The following NRXN1 variants were observed in gnomAD, a reference collection of about 807,000 sequenced individuals.
The protein encoded by NRXN1 is neurexin 1.
Under a neutral mutation model 150.9 loss-of-function variants are expected in NRXN1, and 39 were observed. The observed-to-expected ratio is 0.26, with a 90% CI of 0.20 to 0.34. The LOEUF (loss-of-function observed/expected upper bound fraction) is 0.34, where lower values mean the gene tolerates loss of function less well. Among genes scored for constraint, NRXN1 ranks in the 10% least tolerant of loss-of-function variants. The pLI is 1.00. For missense variants in NRXN1, 1,815 were observed against 1,949.9 expected, an observed-to-expected ratio of 0.93 and a Z score of 1.30; for synonymous variants, 924 against 757.0, an observed-to-expected ratio of 1.22 and a Z score of -3.62.
intron 17 of NRXN1, among the ~76,000 whole-genome samples, chr2:50,352,966 T>C (rs912200370): frequency 3.3e-5 from 5 of 151,880 alleles, no homozygotes; most frequent in African/African-American, 7.3e-5. Flanking sequence ...TAGATATAGA[T>C]TGGTGAATTC....
chr2:50,414,067 G>A (rs995564446), intron 17 of NRXN1, among the ~76,000 whole-genome samples: 1 of 151,484 alleles, frequency 6.6e-6, no homozygotes, highest in African/African-American at 2.4e-5. Context: ...AAGACCGTGT[G>A]CAGGGGAGGT....
intron 5 of NRXN1, among the ~76,000 whole-genome samples, chr2:50,815,465 T>C (rs926504932): frequency 6.6e-6 from 1 of 152,190 alleles, no homozygotes; most frequent in Non-Finnish European, 1.5e-5. Flanking sequence ...ATTTCAAGCA[T>C]TGGGTCATTT....
chr2:50,589,200 G>A (rs896314113), intron 8 of NRXN1: 2 of 152,456 alleles, frequency 1.3e-5, no homozygotes, highest in Non-Finnish European at 2.9e-5. Context: ...GAGAGGAGGA[G>A]TAGGACTGCT....
At chr2:51,014,663 A>G (rs887153374) in intron 2 of NRXN1, among the ~76,000 whole-genome samples, 23 of 152,038 alleles carry the variant, frequency 1.5e-4, no homozygotes, top group Non-Finnish European at 2.9e-5. Context: ...GTCTGGCCTC[A>G]GGATTTACGC....
At chr2:50,886,772 T>C (rs1258806572) in intron 5 of NRXN1, among the ~76,000 whole-genome samples, 1 of 151,352 alleles carries the variant, frequency 6.6e-6, no homozygotes, top group Non-Finnish European at 1.5e-5. Flanking sequence ...AACTGTCCTT[T>C]AAGGATACAG....
intron 2 of NRXN1, among the ~76,000 whole-genome samples, chr2:51,011,707 T>C (rs985125975): frequency 6.6e-6 from 1 of 152,054 alleles, no homozygotes; most frequent in African/African-American, 2.4e-5. Context: ...GAAATGAGTC[T>C]GGATAAGGAG....
chr2:50,691,679 A>G (rs1189174370), intron 5 of NRXN1, among the ~76,000 whole-genome samples: 1 of 152,184 alleles, frequency 6.6e-6, no homozygotes, highest in African/African-American at 2.4e-5. Flanking sequence ...AAAAGGGAGC[A>G]CTGGGCAACC....
intron 15 of NRXN1, among the ~76,000 whole-genome samples, chr2:50,484,325 A>G (rs2104810144): frequency 6.6e-6 from 1 of 152,290 alleles, no homozygotes; most frequent in East Asian, 1.9e-4. Context: ...TATTATTAAT[A>G]CCAATAAGGT....
At chr2:50,235,384 T>A (rs902588382) in intron 18 of NRXN1, among the ~76,000 whole-genome samples, 1 of 152,070 alleles carries the variant, frequency 6.6e-6, no homozygotes, top group South Asian at 2.1e-4. Context: ...TCTTGAGAAC[T>A]ACATTTTAAA....
At chr2:50,518,140 C>G (rs1013658149) in intron 12 of NRXN1, among the ~76,000 whole-genome samples, 1 of 151,908 alleles carries the variant, frequency 6.6e-6, no homozygotes, top group Admixed American at 6.6e-5. Context: ...TTATAATTTA[C>G]TTTTTAAGAA....
chr2:50,015,395 C>G lies in NRXN1; in HGVS notation c.4128+37876G>C, dbSNP rs185924603. Among the ~76,000 whole-genome samples the G allele has an allele frequency of 3.2e-3, 480 of 151,874 alleles. 1 individual carries two copies. Among genetic ancestry groups the G allele is most frequent in the Non-Finnish European group, 5.3e-3 (359 of 67,946 alleles). On this transcript the variant is annotated intron_variant, in intron 21 of 22. Transcript: ENST00000401669. ...ATAGTGAGACCTCCTAAGAGTTCAT[C>G]TCACTCTAGGCACACAGGAGACTGT...
chr2:50,951,702 T>C (rs1691362966), intron 2 of NRXN1, among the ~76,000 whole-genome samples: 2 of 152,036 alleles, frequency 1.3e-5, no homozygotes, highest in Admixed American at 1.3e-4. Context: ...ATGCTTCTTT[T>C]AGGTAAAAGC....
chr2:49,955,234 A>C (rs963135122), intron 21 of NRXN1, among the ~76,000 whole-genome samples: 1 of 152,178 alleles, frequency 6.6e-6, no homozygotes, highest in African/African-American at 2.4e-5. Context: ...TTAAATCTCA[A>C]TATAAAATTG....
At chr2:50,097,549 G>C (rs1313023344) in intron 18 of NRXN1, among the ~76,000 whole-genome samples, 1 of 152,084 alleles carries the variant, frequency 6.6e-6, no homozygotes, top group Non-Finnish European at 1.5e-5. Context: ...CACAGTTGTT[G>C]GACTATGCAA....
chr2:50,725,485 T>A (rs1046420817), intron 5 of NRXN1, among the ~76,000 whole-genome samples: 2 of 152,118 alleles, frequency 1.3e-5, no homozygotes, highest in African/African-American at 4.8e-5. Context: ...TTGTAAAGGG[T>A]TGTCAGAAAC....
chr2:50,169,748 G>C (rs573051135), intron 18 of NRXN1, among the ~76,000 whole-genome samples: 35 of 150,262 alleles, frequency 2.3e-4, no homozygotes, highest in Admixed American at 6.6e-4. Context: ...AAATTATATG[G>C]ATGAGGTAGA....
At chr2:50,607,777 G>C (rs1297856890) in intron 8 of NRXN1, among the ~76,000 whole-genome samples, 1 of 150,854 alleles carries the variant, frequency 6.6e-6, no homozygotes, top group African/African-American at 2.4e-5. Flanking sequence ...ACCTAGTTTT[G>C]AATTGATATT....
chr2:50,428,214 G>C (rs2084659273), intron 17 of NRXN1, among the ~76,000 whole-genome samples: 1 of 152,078 alleles, frequency 6.6e-6, no homozygotes. Flanking sequence ...AGGAGTTCAA[G>C]ACCACCTGGG....
intron 17 of NRXN1, among the ~76,000 whole-genome samples, chr2:50,381,192 GC>G (rs1572755867): frequency 6.6e-6 from 1 of 151,818 alleles, no homozygotes; most frequent in African/African-American, 2.4e-5. Context: ...ACATTCAAAA[GC>G]CTAGAGAACA....
Sources: allele counts gnomAD v4.1 joint callset (sites outside exome capture counted in the v4.1 genomes callset), GRCh38; gene constraint gnomAD v4.1.1; transcripts MANE v1.5; gene names NCBI Gene and HGNC (gene_info 2026-07-23, HGNC 2026-07-21).